RAPGEF1: variants seen among roughly 807,000 people sequenced by gnomAD.
The protein encoded by RAPGEF1 is Rap guanine nucleotide exchange factor 1, also known as CRK SH3-binding GNRP.
Under a neutral mutation model 143.3 loss-of-function variants are expected in RAPGEF1, and 33 were observed. The ratio of observed to expected loss-of-function variants is 0.23; its 90% CI spans 0.17 to 0.31. RAPGEF1 has a LOEUF of 0.31. RAPGEF1 is among the 10% of genes least tolerant of loss of function. The pLI is 1.00. For synonymous variants in RAPGEF1, 629 were observed against 676.5 expected, an observed-to-expected ratio of 0.93 and a Z score of 1.09; for missense variants, 1,199 against 1,645.4, an observed-to-expected ratio of 0.73 and a Z score of 4.69.
intron 12 of RAPGEF1, among the ~76,000 whole-genome samples, chr9:131,609,894 T>A (rs1396899074): frequency 1.3e-5 from 2 of 152,178 alleles, no homozygotes; most frequent in Non-Finnish European, 2.9e-5. Flanking sequence ...AGGAAAGATC[T>A]TTTTCTTCCT....
intron 22 of RAPGEF1, among the ~76,000 whole-genome samples, chr9:131,585,284 G>T (rs1364567101): frequency 1.3e-5 from 2 of 151,712 alleles, no homozygotes; most frequent in Non-Finnish European, 2.9e-5. Flanking sequence ...GTTCTCAACT[G>T]ATCCTTCTGC....
In RAPGEF1 at chr9:131,598,232, G is replaced by A. The variant is rs371887703; in HGVS notation, c.2580C>T (p.Asn860=). 36 of 1,613,886 alleles carry A rather than the reference G, an allele frequency of 2.2e-5. No individual in the cohort carries two copies. In the Admixed American group the frequency reaches 2.8e-4, roughly 13 times the overall value. Residue 860 remains asparagine, a synonymous_variant, in exon 16 of 27, where the codon AAC becomes AAT. Coordinates refer to ENST00000683357, the MANE Select transcript of RAPGEF1 (RefSeq NM_001377935.1). ...TGAGCGTCAGCCTGGACATAATTTC[G>A]TTGTGGTCAATGAGGGACAGCTCGT... is the stretch of plus-strand genomic sequence containing the variant. ...EVDELSLIDH[N]EIMSRLTLKQ...
intron 12 of RAPGEF1, among the ~76,000 whole-genome samples, chr9:131,617,456 T>C (rs1349756050): frequency 6.6e-6 from 1 of 152,202 alleles, no homozygotes; most frequent in Non-Finnish European, 1.5e-5. Flanking sequence ...GCACTGGGCA[T>C]TGGACTGCCC....
At chr9:131,586,525 A>AACACAC (rs57523580) in intron 22 of RAPGEF1, among the ~76,000 whole-genome samples, 70 of 5,902 alleles carry the variant, frequency 0.012, 22 homozygotes, top group African/African-American at 0.091. Flanking sequence ...GACTCCGTCA[A>AACACAC]ACACACACAC....
chr9:131,685,863 C>T (rs1833305348), intron 1 of RAPGEF1, among the ~76,000 whole-genome samples: 1 of 152,124 alleles, frequency 6.6e-6, no homozygotes, highest in Non-Finnish European at 1.5e-5. Flanking sequence ...CAGCTACGTG[C>T]ATTTGGACAA....
Position 131,628,783 on chromosome 9 carries a change from CA to C in RAPGEF1, c.894-112del. On this transcript the variant is annotated intron_variant, in intron 7 of 26. Transcript: ENST00000683357. The surrounding 1 kb of genome is among the most constrained non-coding windows in gnomAD (Gnocchi z 5.7). ...CTTTCATTACTAGACTCTCCACACCCAATGTTCACACTTCAACTCCTGCCTA... is the reference window on the plus strand; with the variant it reads ...CTTTCATTACTAGACTCTCCACACCCATGTTCACACTTCAACTCCTGCCTA... 7.2e-7 allele frequency: 1 copy of C among 1,386,792 alleles called. No homozygotes were observed. Among genetic ancestry groups the C allele is most frequent in the South Asian group, 1.4e-5 (1 of 70,158 alleles). 85.9% of individuals were successfully genotyped at this position (1,386,792 alleles called of 1,614,324 possible).
At chr9:131,618,954 C>T in intron 12 of RAPGEF1, 97 bp downstream of exon 12, 1 of 1,113,940 alleles carries the variant, frequency 9.0e-7, no homozygotes, top group Non-Finnish European at 1.2e-6. Context: ...AGGGCAGGGG[C>T]CGCGACGGGC....
At chr9:131,616,214 C>T (rs1187916126) in intron 12 of RAPGEF1, among the ~76,000 whole-genome samples, 1 of 152,118 alleles carries the variant, frequency 6.6e-6, no homozygotes, top group Non-Finnish European at 1.5e-5. Flanking sequence ...TTGCAGTGAG[C>T]CGAGATCGTG....
intron 16 of RAPGEF1, 24 bp downstream of exon 16, chr9:131,598,175 A>C: frequency 6.3e-7 from 1 of 1,597,466 alleles, no homozygotes; most frequent in Non-Finnish European, 8.6e-7. Flanking sequence ...CAGGCTGCAA[A>C]GCCCCAGCCC....
Position 131,629,000 on chromosome 9 carries a change from G to T in RAPGEF1, c.893+102C>A, listed in dbSNP as rs939797573. 2.8e-6 allele frequency: 4 copies of T among 1,440,544 alleles called. No individual in the cohort carries two copies. Among genetic ancestry groups the T allele is most frequent in the Non-Finnish European group, 3.7e-6 (4 of 1,079,870 alleles). The allele number at this position is 1,440,544 out of a possible 1,614,324, so 89.2% of individuals were successfully genotyped here. ...CTCCAGAGTCAGCCTCCCAAGGGGG[G>T]CCAAGCCCTCAGCGCTGAGGGGAAA... is the stretch of plus-strand genomic sequence containing the variant. On this transcript the variant is annotated intron_variant, in intron 7 of 26. Transcript: ENST00000683357. The surrounding 1 kb of genome is among the most constrained non-coding windows in gnomAD (Gnocchi z 5.7).
Position 131,596,578 on chromosome 9 carries a change from C to T in RAPGEF1, c.2614-205G>A, listed in dbSNP as rs548927951. On this transcript the variant is annotated intron_variant, in intron 16 of 26. Coordinates refer to ENST00000683357, the MANE Select transcript of RAPGEF1 (RefSeq NM_001377935.1). ...GACTCACCTTGTGCTTGGTGACAGG[C>T]ACAAACTGGACTGTGTCTGGGAGCT... Among the ~76,000 whole-genome samples the T allele has an allele frequency of 2.6e-5, 4 of 152,338 alleles. No homozygotes were observed. The East Asian group carries it at 7.7e-4, about 29-fold the overall frequency.
intron 12 of RAPGEF1, among the ~76,000 whole-genome samples, chr9:131,609,266 G>A (rs754394214): frequency 1.3e-5 from 2 of 152,134 alleles, no homozygotes; most frequent in Non-Finnish European, 2.9e-5. Context: ...CTCAATTAAC[G>A]TACACACAGT....
At chr9:131,714,166 G>T (rs1015610582) in intron 1 of RAPGEF1, among the ~76,000 whole-genome samples, 5 of 151,984 alleles carry the variant, frequency 3.3e-5, no homozygotes. Context: ...CAGGAGGAAT[G>T]ATATTTTGAT....
chr9:131,637,322 A>C (rs1966639195), intron 5 of RAPGEF1, among the ~76,000 whole-genome samples: 1 of 152,120 alleles, frequency 6.6e-6, no homozygotes, highest in African/African-American at 2.4e-5. Flanking sequence ...TGGCCCCAGC[A>C]GACACGTCAG....
chr9:131,720,991 C>G (rs1002910699), intron 1 of RAPGEF1, among the ~76,000 whole-genome samples: 6 of 152,198 alleles, frequency 3.9e-5, no homozygotes, highest in South Asian at 2.1e-4. Flanking sequence ...GTTTATGTTT[C>G]TTGAACCAAA....
At chr9:131,705,515 C>A (rs1346337328) in intron 1 of RAPGEF1, among the ~76,000 whole-genome samples, 2 of 152,206 alleles carry the variant, frequency 1.3e-5, no homozygotes, top group African/African-American at 4.8e-5. Context: ...ACAGCTCTGG[C>A]TGGAACTCTC....
At chr9:131,600,455 G>A (rs1956081667) in intron 15 of RAPGEF1, among the ~76,000 whole-genome samples, 1 of 152,198 alleles carries the variant, frequency 6.6e-6, no homozygotes. Context: ...AGCTCAGTCT[G>A]GGCAGACAAG....
chr9:131,720,839 A>G (rs1836213525), intron 1 of RAPGEF1, among the ~76,000 whole-genome samples: 2 of 152,230 alleles, frequency 1.3e-5, no homozygotes, highest in South Asian at 4.1e-4. Flanking sequence ...GTGTCCCTAT[A>G]TAATTATTTT....
intron 26 of RAPGEF1, 81 bp from the exon 27 acceptor site, chr9:131,579,728 C>T (rs1195741421): frequency 1.9e-5 from 28 of 1,468,826 alleles, no homozygotes; most frequent in Middle Eastern, 2.3e-4. Flanking sequence ...TGGAAGGTGC[C>T]GCGGGGACCA....
Sources: gnomAD v4.1 joint callset for allele counts (sites outside exome capture counted in the v4.1 genomes callset) on GRCh38, gnomAD v4.1.1 for gene constraint, Gnocchi (gnomAD v3.1) non-coding constraint, MANE v1.5 for transcripts, NCBI Gene and HGNC (gene_info 2026-07-23, HGNC 2026-07-21) for gene names.